PLN: variants seen among roughly 807,000 people sequenced by gnomAD.
PLN encodes phospholamban, also known as cardiac phospholamban.
PLN carries 1 observed loss-of-function variant against 3.9 expected under a neutral mutation model. The ratio of observed to expected loss-of-function variants is 0.26; its 90% CI spans 0.09 to 1.23. The LOEUF (loss-of-function observed/expected upper bound fraction) is 1.23, where lower values mean the gene tolerates loss of function less well. Among genes scored for constraint, PLN ranks in the 50% most tolerant of loss-of-function variants. The pLI is 0.48. For synonymous variants in PLN, 21 were observed against 20.5 expected (o/e 1.02, Z -0.07); for missense variants, 59 against 62.7 (o/e 0.94, Z 0.20).
intron 1 of PLN, among the ~76,000 whole-genome samples, chr6:118,551,889 T>C (rs1389083737): frequency 6.6e-6 from 1 of 152,026 alleles, no homozygotes; most frequent in Non-Finnish European, 1.5e-5. Flanking sequence ...AGTGAACTTT[T>C]GTAAGCCAAC....
At chr6:118,548,718 A>G (rs962226072) in intron 1 of PLN, among the ~76,000 whole-genome samples, 36 of 152,126 alleles carry the variant, frequency 2.4e-4, no homozygotes, top group African/African-American at 8.4e-4. Context: ...TTATGTTACC[A>G]TATTTGGTAG....
At chr6:118,555,854 A>G (rs545324062) in intron 1 of PLN, among the ~76,000 whole-genome samples, 10 of 152,186 alleles carry the variant, frequency 6.6e-5, no homozygotes, top group African/African-American at 2.4e-4. Flanking sequence ...CTTTGTGTTC[A>G]TAAGTTCTTA....
rs1583042539 is a variant in PLN at position 118,557,363 on chromosome 6, C to G, written c.-97-1462C>G. 4.6e-5 allele frequency among the ~76,000 whole-genome samples: 7 copies of G among 152,288 alleles called. No homozygotes were observed. The South Asian group carries it at 1.4e-3, about 32-fold the overall frequency. ...GATTTAAAGAAACTATATGTTAGAA[C>G]TTTTACCCAAAAGAATAACCCAAAA... On this transcript the variant is annotated intron_variant, in intron 1 of 1. Transcript: ENST00000357525.
chr6:118,559,945 A>G lies in PLN; in HGVS notation c.*865A>G, dbSNP rs890326578. On this transcript the variant is annotated 3_prime_UTR_variant, in exon 2 of 2. Transcript: ENST00000357525. Reference sequence around the variant, plus strand: ...CTGAGCTAGAGTTACCTAGCTTACCATACTATATCTTTGGAATCATGAAAC... The same window carrying G: ...CTGAGCTAGAGTTACCTAGCTTACCGTACTATATCTTTGGAATCATGAAAC... The G allele has an allele frequency of 6.0e-6, 1 of 167,046 alleles. No homozygotes were observed. Among genetic ancestry groups the G allele is most frequent in the Admixed American group, 6.5e-5 (1 of 15,278 alleles). 10.3% of individuals were successfully genotyped at this position (167,046 alleles called of 1,614,324 possible).
chr6:118,555,343 G>C (rs956202165), intron 1 of PLN, among the ~76,000 whole-genome samples: 8 of 151,328 alleles, frequency 5.3e-5, no homozygotes, highest in Non-Finnish European at 1.0e-4. Context: ...CAGGAGAATG[G>C]CGTGAACCCG....
chr6:118,554,754 A>G (rs2114946533), intron 1 of PLN, among the ~76,000 whole-genome samples: 1 of 152,366 alleles, frequency 6.6e-6, no homozygotes, highest in East Asian at 1.9e-4. Context: ...GTGATATTTA[A>G]ACTGAACCTT....
chr6:118,556,840 T>C (rs567611345), intron 1 of PLN, among the ~76,000 whole-genome samples: 1 of 152,356 alleles, frequency 6.6e-6, no homozygotes, highest in Admixed American at 6.5e-5. Context: ...TCCCCAAGTG[T>C]TAATAACGAT....
rs1470976607 is a variant in PLN, at chr6:118,559,907, T to C, written c.*827T>C. 6.0e-6 allele frequency: 1 copy of C among 166,868 alleles called. No homozygotes were observed. The highest frequency in any genetic ancestry group is 1.5e-5 in the Non-Finnish European group (1 of 68,124). The allele number at this position is 166,868 out of a possible 1,614,324, so 10.3% of individuals were successfully genotyped here. ...AGAATCTAATCTTCATTTAAGGCAC[T>C]GTAGTGAATTATCTGAGCTAGAGTT... On this transcript the variant is annotated 3_prime_UTR_variant, in exon 2 of 2. Coordinates refer to ENST00000357525, the MANE Select transcript of PLN (RefSeq NM_002667.5).
rs567152615 is a variant in PLN, at chr6:118,561,006, T to C, written c.*1926T>C. On this transcript the variant is annotated 3_prime_UTR_variant, in exon 2 of 2. Transcript: ENST00000357525. ...ATGGTTACTAAAAGAATATGTAACA[T>C]CAATATTGACCTTGGTTTCTTACAC... Among the ~76,000 whole-genome samples, 62 of 152,288 alleles carry C rather than the reference T, an allele frequency of 4.1e-4. No homozygotes were observed. Among genetic ancestry groups the C allele is most frequent in the African/African-American group, 1.4e-3 (59 of 41,560 alleles).
chr6:118,550,625 G>A (rs1043028521), intron 1 of PLN, among the ~76,000 whole-genome samples: 1 of 151,832 alleles, frequency 6.6e-6, no homozygotes, highest in Non-Finnish European at 1.5e-5. Flanking sequence ...ACAGAACTAA[G>A]AAAACAGGGA....
intron 1 of PLN, among the ~76,000 whole-genome samples, chr6:118,552,877 C>T (rs543513616): frequency 7.9e-5 from 12 of 152,134 alleles, no homozygotes; most frequent in African/African-American, 2.9e-4. Context: ...CATTTCTACA[C>T]CCAAACTCCT....
chr6:118,557,278 A>G (rs1273987215), intron 1 of PLN, among the ~76,000 whole-genome samples: 1 of 152,206 alleles, frequency 6.6e-6, no homozygotes, highest in Non-Finnish European at 1.5e-5. Context: ...TTTTTATGAG[A>G]TTGGCTCTGG....
In PLN at chr6:118,557,244, G is replaced by A. The variant is rs561240083; in HGVS notation, c.-97-1581G>A. On this transcript the variant is annotated intron_variant, in intron 1 of 1. Coordinates refer to ENST00000357525, the MANE Select transcript of PLN (RefSeq NM_002667.5). The stretch of plus-strand genomic sequence containing the variant: ...TTTTAGATTAAAATTAAGATCCAGG[G>A]AACAATTTGTTGTATGCATTTCCTT... 3.3e-5 allele frequency among the ~76,000 whole-genome samples: 5 copies of A among 152,186 alleles called. No homozygotes were observed. In the East Asian group the frequency reaches 9.6e-4, roughly 29 times the overall value.
At chr6:118,551,972 T>A (rs1320194542) in intron 1 of PLN, among the ~76,000 whole-genome samples, 1 of 152,012 alleles carries the variant, frequency 6.6e-6, no homozygotes, top group East Asian at 1.9e-4. Flanking sequence ...ATATGCACAT[T>A]CACTTATGGC....
intron 1 of PLN, among the ~76,000 whole-genome samples, chr6:118,550,954 C>T (rs1480519560): frequency 6.6e-6 from 1 of 151,664 alleles, no homozygotes; most frequent in Non-Finnish European, 1.5e-5. Context: ...AGCAATACCT[C>T]CTGGAAGGCA....
chr6:118,558,621 G>GCACA (rs1280397001), intron 1 of PLN, among the ~76,000 whole-genome samples: 30 of 60,004 alleles, frequency 5.0e-4, no homozygotes, highest in African/African-American at 1.4e-3. Context: ...AGAAACACGT[G>GCACA]CACATACACA....
chr6:118,549,475 CAT>C (rs1778409471), intron 1 of PLN, among the ~76,000 whole-genome samples: 1 of 151,636 alleles, frequency 6.6e-6, no homozygotes, highest in African/African-American at 2.4e-5. Context: ...TTTCATATTT[CAT>C]ATATATGTTA....
chr6:118,558,980 T>C lies in PLN; in HGVS notation c.59T>C (p.Met20Thr). ...ATAAGAAGAGCCTCAACCATTGAAA[T>C]GCCTCAACAAGCACGTCAAAAGCTA... is the stretch of plus-strand genomic sequence containing the variant. ...SAIRRASTIE[M>T]PQQARQKLQN... The change falls in exon 2 of 2, where the codon ATG (methionine) becomes ACG (threonine). Residue 20 changes from methionine to threonine, a missense_variant. Met to Thr is a moderately conservative substitution (Grantham distance 81). Coordinates refer to ENST00000357525, the MANE Select transcript of PLN (RefSeq NM_002667.5). 6.2e-7 allele frequency: 1 copy of C among 1,612,766 alleles called. No homozygotes were observed. The highest frequency in any genetic ancestry group is 8.5e-7 in the Non-Finnish European group (1 of 1,178,748).
At chr6:118,549,471 A>G (rs1778409290) in intron 1 of PLN, among the ~76,000 whole-genome samples, 1 of 151,754 alleles carries the variant, frequency 6.6e-6, no homozygotes, top group African/African-American at 2.4e-5. Flanking sequence ...TGATTTTCAT[A>G]TTTCATATAT....
Sources: allele counts gnomAD v4.1 joint callset (sites outside exome capture counted in the v4.1 genomes callset), GRCh38; gene constraint gnomAD v4.1.1; transcripts MANE v1.5; gene names NCBI Gene and HGNC (gene_info 2026-07-23, HGNC 2026-07-21).